Variants in KCND1 observed in about 807,000 individuals in gnomAD.
The protein encoded by KCND1 is potassium voltage-gated channel subfamily D member 1, also known as A-type voltage-gated potassium channel KCND1.
A neutral mutation model predicts 31.8 loss-of-function variants in KCND1; 11 were observed. The ratio of observed to expected loss-of-function variants is 0.35; its 90% CI spans 0.22 to 0.57. KCND1 has a LOEUF of 0.57. Among genes scored for constraint, KCND1 ranks in the 20% least tolerant of loss-of-function variants. The probability of loss-of-function intolerance (pLI) is 0.85; values close to 1 mark genes in which losing one functional copy is unlikely to be tolerated. For missense variants in KCND1, 471 were observed against 596.8 expected (o/e 0.79, Z 2.20); for synonymous variants, 234 against 248.1 (o/e 0.94, Z 0.53).
At position 48,966,309 on chromosome X, in the gene KCND1, T is replaced by C. The variant is rs782174389; in HGVS notation, c.1468-4A>G. The stretch of plus-strand genomic sequence containing the variant: ...GCTCATCTGTGAACTCATGGCACTA[T>C]GGGCAGAAGGGAGGCAGGGTCACGG... On this transcript the variant is annotated splice_region_variant and splice_polypyrimidine_tract_variant and intron_variant, in intron 4 of 5. Coordinates refer to ENST00000218176, the MANE Select transcript of KCND1 (RefSeq NM_004979.6). The C allele has an allele frequency of 8.5e-7, 1 of 1,177,459 alleles. No homozygotes were observed. Among genetic ancestry groups the C allele is most frequent in the East Asian group, 3.1e-5 (1 of 32,495 alleles).
chrX:48,970,412 AC>A lies in KCND1; in HGVS notation c.-142del. The stretch of plus-strand genomic sequence containing the variant: ...GGGGTGTCTAGAGAGGCCAAGAGGA[AC>A]CAGGAGGAAGAACTAAAGAGATGGG... On this transcript the variant is annotated 5_prime_UTR_variant, in exon 1 of 6. It removes the in-frame stop codon of an upstream open reading frame in the 5' UTR. Transcript: ENST00000218176. 2.0e-6 allele frequency: 1 copy of A among 512,118 alleles called. No homozygotes were observed. Among genetic ancestry groups the A allele is most frequent in the African/African-American group, 2.4e-5 (1 of 42,288 alleles). 42.2% of individuals were successfully genotyped at this position (512,118 alleles called of 1,213,427 possible). A position where few individuals can be genotyped will look rare whatever the true frequency, so the allele number is the denominator to read the frequency against.
rs1341743424 is a variant in KCND1, at chrX:48,967,794, C to T, written c.1122-688G>A. 5.3e-5 allele frequency: 6 copies of T among 112,182 alleles called. 1 individual carries two copies. Among genetic ancestry groups the T allele is most frequent in the Non-Finnish European group, 1.1e-4 (6 of 53,184 alleles). 9.2% of individuals were successfully genotyped at this position (112,182 alleles called of 1,213,427 possible). On this transcript the variant is annotated intron_variant, in intron 1 of 5. Coordinates refer to ENST00000218176, the MANE Select transcript of KCND1 (RefSeq NM_004979.6). ...GCCTCTGCAGTCTTCAGCCTCTAAG[C>T]CTTTTCTCAGGCTGTGCCCTAGGAT...
In KCND1 at chrX:48,969,245, C is replaced by G. The variant is rs1472305943; in HGVS notation, c.1027G>C (p.Val343Leu). 1 of 1,210,557 alleles carries G rather than the reference C, an allele frequency of 8.3e-7. No individual in the cohort carries two copies. Among genetic ancestry groups the G allele is most frequent in the African/African-American group, 1.7e-5 (1 of 57,665 alleles). Residue 343 changes from valine (V) to leucine (L), a missense_variant, in exon 1 of 6, where the codon GTC (valine) becomes CTC (leucine). Transcript: ENST00000218176. ...GTGCCCTTCTCAGCATAAAACATGA[C>G]AGTGGCAAAGATGATGATGGCCATG... ...LTMAIIIFAT[V>L]MFYAEKGTNK...
Position 48,969,723 on chromosome X carries a change from G to A in KCND1, c.549C>T (p.Thr183=), listed in dbSNP as rs782798669. Residue 183 remains threonine, a synonymous_variant, in exon 1 of 6, where the codon ACC becomes ACT. Transcript: ENST00000218176. ...TCACATAGTAGAAAACGAGGGCTGCGGTGCTCGTGTGTGGATTCTCGAAGG... is the reference window on the plus strand; with the variant it reads ...TCACATAGTAGAAAACGAGGGCTGCAGTGCTCGTGTGTGGATTCTCGAAGG... ...WRAFENPHTS[T]AALVFYYVTG... 8 of 1,207,746 alleles carry A rather than the reference G, an allele frequency of 6.6e-6. No individual in the cohort carries two copies. Among genetic ancestry groups the A allele is most frequent in the East Asian group, 5.9e-5 (2 of 33,634 alleles).
In KCND1 at chrX:48,962,461, T is replaced by C. The variant is rs2064325960; in HGVS notation, c.*120A>G. ...CATTTCATGAAACTCCATTGCATAGTTCTCAGTGGGGGGGGCAGAAGGGGT... is the reference window on the plus strand; with the variant it reads ...CATTTCATGAAACTCCATTGCATAGCTCTCAGTGGGGGGGGCAGAAGGGGT... On this transcript the variant is annotated 3_prime_UTR_variant, in exon 6 of 6. Transcript: ENST00000218176. The C allele has an allele frequency of 6.1e-6, 3 of 492,926 alleles. No homozygotes were observed. The South Asian group carries it at 9.6e-5, about 16-fold the overall frequency. The allele number at this position is 492,926 out of a possible 1,213,427, so 40.6% of individuals were successfully genotyped here.
Position 48,970,314 on chromosome X carries a change from T to C in KCND1, c.-43A>G. The stretch of plus-strand genomic sequence containing the variant: ...CCAGGGAGACTTAGTGAGGGTGGCG[T>C]TTAGGAGAATGTGGCTGTCTCCAGG... On this transcript the variant is annotated 5_prime_UTR_variant, in exon 1 of 6. Transcript: ENST00000218176. The C allele has an allele frequency of 8.8e-7, 1 of 1,137,035 alleles. No individual in the cohort carries two copies. Among genetic ancestry groups the C allele is most frequent in the Middle Eastern group, 2.6e-4 (1 of 3,797 alleles). The allele number at this position is 1,137,035 out of a possible 1,213,427, so 93.7% of individuals were successfully genotyped here. A position where few individuals can be genotyped will look rare whatever the true frequency, so the allele number is the denominator to read the frequency against.
chrX:48,966,498 C>A, intron 4 of KCND1, 80 bp downstream of exon 4: 1 of 1,039,924 alleles, frequency 9.6e-7, no homozygotes, highest in Admixed American at 2.7e-5. Context: ...TGTAGTGAGC[C>A]TCCCATCCAA....
At position 48,967,057 on chromosome X, in the gene KCND1, T is replaced by C. The variant is rs2064358235; in HGVS notation, c.1171A>G (p.Ile391Val). The C allele has an allele frequency of 8.3e-7, 1 of 1,207,623 alleles. No homozygotes were observed. Residue 391 changes from isoleucine to valine, a missense_variant, in exon 2 of 6, where the codon ATC (isoleucine) becomes GTC (valine). This residue lies in a region of KCND1 where 74 missense variants were observed against 154.2 expected (regional missense o/e 0.48). Coordinates refer to ENST00000218176, the MANE Select transcript of KCND1 (RefSeq NM_004979.6). The stretch of plus-strand genomic sequence containing the variant: ...ACCAAGACGCCACTGAGTGAGCAGA[T>C]GGACCCGAAAATCTTGCCAGCAATG... ...STIAGKIFGS[I>V]CSLSGVLVIA...
In KCND1 at chrX:48,971,720, T is replaced by G. The variant is rs782474157; in HGVS notation, c.-1449A>C. Among the ~76,000 whole-genome samples, 5 of 109,064 alleles carry G rather than the reference T, an allele frequency of 4.6e-5. No homozygotes were observed. The highest frequency in any genetic ancestry group is 9.6e-5 in the Non-Finnish European group (5 of 51,942). The allele number at this position is 109,064 out of a possible 115,157, so 94.7% of individuals were successfully genotyped here. ...GCGCTAGTGGTGGTCCCCCTCCCCCTCTCTCTCGGGGCGTCCTCACCTGTG... is the reference window on the plus strand; with the variant it reads ...GCGCTAGTGGTGGTCCCCCTCCCCCGCTCTCTCGGGGCGTCCTCACCTGTG... On this transcript the variant is annotated 5_prime_UTR_variant, in exon 1 of 6. Coordinates refer to ENST00000218176, the MANE Select transcript of KCND1 (RefSeq NM_004979.6).
chrX:48,969,294 C>T lies in KCND1; in HGVS notation c.978G>A (p.Leu326=). The change falls in exon 1 of 6, where the codon CTG becomes CTA. Residue 326 remains leucine, a synonymous_variant. Coordinates refer to ENST00000218176, the MANE Select transcript of KCND1 (RefSeq NM_004979.6). ...GYTLKSCASE[L]GFLLFSLTMA... is the part of the protein sequence containing the mutation. The stretch of plus-strand genomic sequence containing the variant: ...TGGTTAGGGAAAAGAGGAGAAAGCC[C>T]AGCTCAGAGGCACAGCTCTTGAGTG... The T allele has an allele frequency of 8.3e-7, 1 of 1,210,922 alleles. No individual in the cohort carries two copies. Among genetic ancestry groups the T allele is most frequent in the Non-Finnish European group, 1.1e-6 (1 of 895,146 alleles).
intron 5 of KCND1, among the ~76,000 whole-genome samples, chrX:48,964,641 C>T (rs1181775610): frequency 1.9e-5 from 2 of 107,228 alleles, no homozygotes; most frequent in African/African-American, 6.9e-5. Context: ...CGTCTGAACC[C>T]GGGAGGCAGA....
Position 48,966,694 on chromosome X carries a change from G to A in KCND1, c.1369-18C>T, listed in dbSNP as rs1905727351. ...CCGCTGTCCTGGAGTAGATGGAGCA[G>A]AGCGATAAGGGCAGCACCTTCCTCC... is the stretch of plus-strand genomic sequence containing the variant. On this transcript the variant is annotated intron_variant, in intron 3 of 5. Transcript: ENST00000218176. 1.7e-6 allele frequency: 2 copies of A among 1,202,248 alleles called. No individual in the cohort carries two copies. The highest frequency in any genetic ancestry group is 2.2e-6 in the Non-Finnish European group (2 of 889,966).
chrX:48,966,969 C>G lies in KCND1; in HGVS notation c.1259G>C (p.Arg420Pro). Residue 420 changes from arginine (R) to proline (P), a missense_variant, in exon 2 of 6, where the codon CGG (arginine) becomes CCG (proline). This residue lies in a region of KCND1 where 74 missense variants were observed against 154.2 expected (regional missense o/e 0.48). Transcript: ENST00000218176. The stretch of plus-strand genomic sequence containing the variant: ...CTGCTGTGCTCGGCGCTTGTCAGCC[C>G]GCTGGTTCTGGTGGTAGATGCGGCT... ...NFSRIYHQNQRADKRRAQQKV... is the reference protein window; with the variant it reads ...NFSRIYHQNQPADKRRAQQKV... 8.3e-7 allele frequency: 1 copy of G among 1,210,370 alleles called. No individual in the cohort carries two copies. The highest frequency in any genetic ancestry group is 1.1e-6 in the Non-Finnish European group (1 of 895,149).
chrX:48,962,729 A>G lies in KCND1; in HGVS notation c.1796T>C (p.Ile599Thr). 8.3e-7 allele frequency: 1 copy of G among 1,210,969 alleles called. No individual in the cohort carries two copies. Among genetic ancestry groups the G allele is most frequent in the Middle Eastern group, 2.3e-4 (1 of 4,339 alleles). Residue 599 changes from isoleucine to threonine, a missense_variant, in exon 6 of 6, where the codon ATC (isoleucine) becomes ACC (threonine). By Grantham distance (89) the Ile-to-Thr change is moderately conservative (BLOSUM62 -1). Transcript: ENST00000218176. ...CDSRDFVAAI[I>T]SIPTPPANTP... ...GTTGGCAGGAGGGGTAGGGATGCTGATAATGGCAGCCACGAAGTCCCGGCT... is the reference window on the plus strand; with the variant it reads ...GTTGGCAGGAGGGGTAGGGATGCTGGTAATGGCAGCCACGAAGTCCCGGCT...
intron 4 of KCND1, 42 bp downstream of exon 4, chrX:48,966,536 G>A (rs1557058036): frequency 2.0e-5 from 23 of 1,137,728 alleles, no homozygotes; most frequent in Non-Finnish European, 2.8e-5. Flanking sequence ...GCCGCAGAGG[G>A]ACCCCCTCTA....
chrX:48,963,507 G>A (rs1207192943), intron 5 of KCND1, among the ~76,000 whole-genome samples: 3 of 110,540 alleles, frequency 2.7e-5, no homozygotes, highest in Non-Finnish European at 5.7e-5. Flanking sequence ...AGCACCTACT[G>A]GGTCCCTGGC....
At chrX:48,969,054 AAAAG>A (rs1456293170) in intron 1 of KCND1, 93 bp downstream of exon 1, 75 of 925,849 alleles carry the variant, frequency 8.1e-5, no homozygotes, top group Middle Eastern at 3.6e-4. Flanking sequence ...ACTCCATTTA[AAAAG>A]AAAGAAAGAA....
chrX:48,966,307 T>C lies in KCND1; in HGVS notation c.1468-2A>G. Reference sequence around the variant, plus strand: ...GAGCTCATCTGTGAACTCATGGCACTATGGGCAGAAGGGAGGCAGGGTCAC... The same window carrying C: ...GAGCTCATCTGTGAACTCATGGCACCATGGGCAGAAGGGAGGCAGGGTCAC... On this transcript the variant is annotated splice_acceptor_variant, in intron 4 of 5. Transcript: ENST00000218176. LOFTEE classifies it high-confidence loss of function. The C allele has an allele frequency of 8.5e-7, 1 of 1,178,468 alleles. No individual in the cohort carries two copies. The highest frequency in any genetic ancestry group is 1.1e-6 in the Non-Finnish European group (1 of 878,981).
intron 2 of KCND1, 43 bp downstream of exon 2, chrX:48,966,901 G>C: frequency 4.1e-6 from 5 of 1,205,522 alleles, no homozygotes; most frequent in Non-Finnish European, 5.6e-6. Context: ...GACTGGCTTG[G>C]GGTGTGGGGA....
Sources: gnomAD v4.1 joint callset for allele counts (sites outside exome capture counted in the v4.1 genomes callset) on GRCh38, gnomAD v4.1.1 for gene constraint, gnomAD v4.1.1 regional missense constraint, MANE v1.5 for transcripts, NCBI Gene and HGNC (gene_info 2026-07-23, HGNC 2026-07-21) for gene names.